Variants in TAF4 observed in about 807,000 individuals in gnomAD.
TAF4 encodes transcription initiation factor TFIID subunit 4.
A neutral mutation model predicts 90.3 loss-of-function variants in TAF4; 9 were observed. The ratio of observed to expected loss-of-function variants is 0.10; its 90% CI spans 0.06 to 0.17. The LOEUF (loss-of-function observed/expected upper bound fraction) is 0.17. Ranked by LOEUF, TAF4 falls within the 10% of genes least tolerant of loss-of-function variation. TAF4 has a pLI of 1.00. For synonymous variants in TAF4, 818 were observed against 638.9 expected (o/e 1.28, Z -4.23); for missense variants, 1,351 against 1,370.7 (o/e 0.99, Z 0.23).
At chr20:62,009,239 G>A (rs2055764574) in intron 4 of TAF4, 65 bp from the exon 5 acceptor site, 2 of 1,485,042 alleles carry the variant, frequency 1.3e-6, no homozygotes. Context: ...ACAGCCTTTG[G>A]TTACTAAAAT....
chr20:62,014,034 GT>G (rs1568932217), intron 2 of TAF4, among the ~76,000 whole-genome samples: 12 of 145,752 alleles, frequency 8.2e-5, no homozygotes, highest in African/African-American at 2.8e-4. Flanking sequence ...GTGTGTGTGT[GT>G]GTGTGTGTGT....
intron 1 of TAF4, among the ~76,000 whole-genome samples, chr20:62,033,056 G>A (rs1489401298): frequency 6.6e-6 from 1 of 152,186 alleles, no homozygotes; most frequent in African/African-American, 2.4e-5. Flanking sequence ...CGTGGTGAGA[G>A]GCAGGAGGGC....
At chr20:62,040,143 A>G (rs1175613816) in intron 1 of TAF4, among the ~76,000 whole-genome samples, 1 of 152,234 alleles carries the variant, frequency 6.6e-6, no homozygotes, top group African/African-American at 2.4e-5. Flanking sequence ...ACAAAGAAAA[A>G]CTTATGTTCA....
At chr20:62,049,978 C>G (rs890301399) in intron 1 of TAF4, among the ~76,000 whole-genome samples, 8 of 152,152 alleles carry the variant, frequency 5.3e-5, no homozygotes, top group African/African-American at 1.9e-4. Context: ...AGCAGCCCCA[C>G]GGAGCAGCCT....
chr20:62,038,442 T>TGAGCCACTGAGCCACC (rs1228175699), intron 1 of TAF4, among the ~76,000 whole-genome samples: 1 of 152,014 alleles, frequency 6.6e-6, no homozygotes, highest in Admixed American at 6.6e-5. Flanking sequence ...ATTACAGGTA[T>TGAGCCACTGAGCCACC]GAGCCACTGA....
chr20:62,011,790 C>T (rs1361286008), intron 3 of TAF4, among the ~76,000 whole-genome samples: 4 of 152,340 alleles, frequency 2.6e-5, no homozygotes, highest in African/African-American at 9.6e-5. Flanking sequence ...CGTCCAGGCC[C>T]ACTGCCTGGC....
chr20:62,017,863 T>C (rs1317616570), intron 1 of TAF4, among the ~76,000 whole-genome samples: 2 of 151,548 alleles, frequency 1.3e-5, no homozygotes, highest in Non-Finnish European at 2.9e-5. Flanking sequence ...AGTATCCAGA[T>C]ATATTTAAAG....
intron 1 of TAF4, among the ~76,000 whole-genome samples, chr20:62,055,120 C>G (rs1600864614): frequency 6.6e-6 from 1 of 152,262 alleles, no homozygotes; most frequent in Non-Finnish European, 1.5e-5. Context: ...GCCACTGAGG[C>G]ACTTGGAATC....
At chr20:62,008,046 G>C (rs762897996) in intron 5 of TAF4, 1 of 161,262 alleles carries the variant, frequency 6.2e-6, no homozygotes, top group Non-Finnish European at 1.4e-5. Flanking sequence ...CAGCGTGCCA[G>C]GGGCCACACA....
intron 1 of TAF4, among the ~76,000 whole-genome samples, chr20:62,050,981 C>A (rs1036843701): frequency 2.0e-5 from 3 of 152,180 alleles, no homozygotes; most frequent in African/African-American, 7.2e-5. Context: ...CAGCTCAGAG[C>A]TGGGAAGAAA....
rs1396927056 is a variant in TAF4, at chr20:62,065,729, A to T, written c.82T>A (p.Ser28Thr). 1 of 1,314,516 alleles carries T rather than the reference A, an allele frequency of 7.6e-7. No homozygotes were observed. Among genetic ancestry groups the T allele is most frequent in the Non-Finnish European group, 9.9e-7 (1 of 1,014,094 alleles). The allele number at this position is 1,314,516 out of a possible 1,614,324, so 81.4% of individuals were successfully genotyped here. A position where few individuals can be genotyped will look rare whatever the true frequency, so the allele number is the denominator to read the frequency against. ...DEKVVSDLVGSLESQLAASAA... is the reference protein window; with the variant it reads ...DEKVVSDLVGTLESQLAASAA... Reference sequence around the variant, plus strand: ...CTGGCCGCCAGCTGCGACTCCAGCGAGCCCACCAGGTCGCTCACCACTTTC... The same window carrying T: ...CTGGCCGCCAGCTGCGACTCCAGCGTGCCCACCAGGTCGCTCACCACTTTC... The change falls in exon 1 of 15, where the codon TCG (serine) becomes ACG (threonine). Residue 28 changes from serine to threonine, a missense_variant. Transcript: ENST00000252996.
intron 14 of TAF4, among the ~76,000 whole-genome samples, chr20:61,979,767 C>T (rs1307599782): frequency 6.7e-6 from 1 of 149,334 alleles, no homozygotes; most frequent in Non-Finnish European, 1.5e-5. Flanking sequence ...TGTGCAGGCG[C>T]CGTGGCCACT....
chr20:61,997,443 T>G, intron 14 of TAF4, 107 bp downstream of exon 14: 1 of 1,300,462 alleles, frequency 7.7e-7, no homozygotes. Flanking sequence ...AAAATGTAAA[T>G]GGTAAGAAAG....
intron 1 of TAF4, among the ~76,000 whole-genome samples, chr20:62,054,180 A>G (rs1346740364): frequency 6.6e-6 from 1 of 152,226 alleles, no homozygotes; most frequent in African/African-American, 2.4e-5. Flanking sequence ...AAGCTGAACC[A>G]TTTCCAGTCT....
At chr20:61,994,666 C>T (rs2055652587) in intron 14 of TAF4, among the ~76,000 whole-genome samples, 1 of 152,216 alleles carries the variant, frequency 6.6e-6, no homozygotes, top group Non-Finnish European at 1.5e-5. Flanking sequence ...GGACATCCCA[C>T]CCACACATTT....
chr20:61,995,583 G>GAAGTATTAGCCAAAATGTT (rs1173072884), intron 14 of TAF4, among the ~76,000 whole-genome samples: 2 of 18,570 alleles, frequency 1.1e-4, no homozygotes, highest in Non-Finnish European at 1.1e-4. Flanking sequence ...AAAAATTTGA[G>GAAGTATTAGCCAAAATGTT]CCGGGCGCGG....
At chr20:62,012,658 G>T in intron 3 of TAF4, 157 bp downstream of exon 3, 1 of 1,108,004 alleles carries the variant, frequency 9.0e-7, no homozygotes, top group Non-Finnish European at 1.2e-6. Context: ...GGTGGTCAAA[G>T]AAAAAGCACT....
intron 1 of TAF4, among the ~76,000 whole-genome samples, chr20:62,027,441 C>G (rs150475131): frequency 3.0e-4 from 45 of 152,300 alleles, no homozygotes; most frequent in African/African-American, 9.4e-4. Context: ...CTGTCTCCCC[C>G]CTCAACGCAA....
At chr20:62,008,794 G>C in intron 5 of TAF4, 1 of 364,924 alleles carries the variant, frequency 2.7e-6, no homozygotes, top group Non-Finnish European at 4.9e-6. Flanking sequence ...ACAGACAAGG[G>C]ACGCAGGCAC....
Sources: gnomAD v4.1 joint callset for allele counts (sites outside exome capture counted in the v4.1 genomes callset) on GRCh38, gnomAD v4.1.1 for gene constraint, MANE v1.5 for transcripts, NCBI Gene and HGNC (gene_info 2026-07-23, HGNC 2026-07-21) for gene names.